The following TET3 variants were observed in gnomAD, a reference collection of about 807,000 sequenced individuals.
TET3 encodes tet methylcytosine dioxygenase 3.
In TET3, 19 loss-of-function variants were observed where a neutral mutation model predicts 141.4. The observed-to-expected ratio is 0.13, with a 90% confidence interval of 0.09 to 0.20. The LOEUF is 0.20. Ranked by LOEUF, TET3 falls within the 10% of genes least tolerant of loss-of-function variation. TET3 has a pLI of 1.00. For missense variants in TET3, 1,874 were observed against 2,356.9 expected, an observed-to-expected ratio of 0.80 and a Z score of 4.24; for synonymous variants, 1,043 against 980.9, an observed-to-expected ratio of 1.06 and a Z score of -1.18.
Position 74,099,603 on chromosome 2 carries a change from T to G in TET3, c.3595T>G (p.Ser1199Ala), listed in dbSNP as rs1691048077. Residue 1199 changes from serine to alanine, a missense_variant, in exon 11 of 12, where the codon TCG becomes GCG. Around this residue, in one of 10 missense-constraint regions of TET3, gnomAD observed 602 missense variants for 590.2 expected, o/e 1.02. Transcript: ENST00000409262. ...QEALELAGIT[S>A]DPGLSLKGGL... ...GGCCCTGGAGCTGGCGGGCATTACG[T>G]CGGACCCAGGTGTGTGGGGGGAGGG... 1.3e-6 allele frequency: 2 copies of G among 1,574,446 alleles called. No individual in the cohort carries two copies. The highest frequency in any genetic ancestry group is 1.4e-5 in the African/African-American group (1 of 73,956).
intron 2 of TET3, chr2:73,998,194 C>T (rs1684685970): frequency 6.6e-6 from 1 of 152,300 alleles, no homozygotes; most frequent in Admixed American, 6.5e-5. Context: ...CCCCGGGTTT[C>T]TAGCTCAGCA....
intron 3 of TET3, among the ~76,000 whole-genome samples, chr2:74,045,492 A>C (rs1687566854): frequency 6.6e-6 from 1 of 152,080 alleles, no homozygotes; most frequent in African/African-American, 2.4e-5. Flanking sequence ...TCTTCCTCTC[A>C]TCCTTCCCCT....
intron 3 of TET3, among the ~76,000 whole-genome samples, chr2:74,020,112 A>T (rs1156838429): frequency 6.6e-6 from 1 of 152,126 alleles, no homozygotes; most frequent in Non-Finnish European, 1.5e-5. Context: ...TCCAGAGTAT[A>T]TGCATCCCCC....
intron 2 of TET3, among the ~76,000 whole-genome samples, chr2:73,991,805 CAAAAAAAAAA>C (rs772400180): frequency 1.7e-3 from 135 of 79,606 alleles, no homozygotes; most frequent in Admixed American, 3.8e-3. Context: ...AACTCTGTCT[CAAAAAAAAAA>C]AAAAAAAAAA....
At chr2:74,096,618 G>A (rs1312634699) in intron 10 of TET3, among the ~76,000 whole-genome samples, 5 of 151,596 alleles carry the variant, frequency 3.3e-5, no homozygotes, top group Non-Finnish European at 7.4e-5. Flanking sequence ...AATACAAAAA[G>A]TTAGCTAAGC....
intron 3 of TET3, among the ~76,000 whole-genome samples, chr2:74,023,824 C>G (rs920480861): frequency 6.6e-6 from 1 of 151,734 alleles, no homozygotes; most frequent in Non-Finnish European, 1.5e-5. Flanking sequence ...TTGTTTTTTT[C>G]TTTTTAAAAT....
intron 3 of TET3, among the ~76,000 whole-genome samples, chr2:74,004,624 G>A (rs941802327): frequency 5.9e-5 from 9 of 152,214 alleles, no homozygotes; most frequent in African/African-American, 9.7e-5. Context: ...GTGTGCTTTA[G>A]TGAGACTGGG....
intron 3 of TET3, among the ~76,000 whole-genome samples, chr2:74,036,717 C>G (rs113197533): frequency 2.0e-5 from 3 of 152,318 alleles, no homozygotes; most frequent in Middle Eastern, 3.4e-3. Flanking sequence ...GATACTCTGC[C>G]TGTCATAAGA....
chr2:74,011,963 GT>G (rs1387774352), intron 3 of TET3, among the ~76,000 whole-genome samples: 1 of 151,960 alleles, frequency 6.6e-6, no homozygotes, highest in Non-Finnish European at 1.5e-5. Context: ...TTGTTTGTTT[GT>G]TTTTTGTTTT....
chr2:74,066,300 T>G (rs1688895737), intron 4 of TET3, among the ~76,000 whole-genome samples: 1 of 152,220 alleles, frequency 6.6e-6, no homozygotes, highest in African/African-American at 2.4e-5. Flanking sequence ...CTCAGGATCC[T>G]TTAAGTACCG....
At chr2:74,032,508 T>TGTGTGTGTGTGTGTGTGTGTGG (rs1491152838) in intron 3 of TET3, among the ~76,000 whole-genome samples, 1 of 43,908 alleles carries the variant, frequency 2.3e-5, no homozygotes, top group Admixed American at 2.1e-4. Flanking sequence ...TGTGTGTGTG[T>TGTGTGTGTGTGTGTGTGTGTGG]TAGGGGAGTT....
At chr2:74,067,394 A>G (rs183990178) in intron 4 of TET3, among the ~76,000 whole-genome samples, 4 of 152,298 alleles carry the variant, frequency 2.6e-5, no homozygotes, top group East Asian at 1.9e-4. Context: ...GACAACAGCT[A>G]CCTGTTGAGC....
intron 3 of TET3, among the ~76,000 whole-genome samples, chr2:74,038,053 T>C (rs1687158444): frequency 6.6e-6 from 1 of 152,136 alleles, no homozygotes; most frequent in Non-Finnish European, 1.5e-5. Context: ...TGCCTGCAGA[T>C]GTCTGGAGGA....
intron 4 of TET3, among the ~76,000 whole-genome samples, chr2:74,067,541 G>A (rs764240557): frequency 7.9e-5 from 12 of 152,208 alleles, no homozygotes; most frequent in Non-Finnish European, 1.5e-4. Context: ...GTTATTCTGT[G>A]CTACATTAAC....
chr2:74,007,965 C>A (rs1482701892), intron 3 of TET3, among the ~76,000 whole-genome samples: 1 of 152,172 alleles, frequency 6.6e-6, no homozygotes, highest in Non-Finnish European at 1.5e-5. Context: ...AGTGATCATG[C>A]CCTTGGATGT....
chr2:74,087,853 G>A lies in TET3; in HGVS notation c.2703G>A (p.Glu901=). The A allele has an allele frequency of 6.4e-7, 1 of 1,551,232 alleles. No homozygotes were observed. Among genetic ancestry groups the A allele is most frequent in the Non-Finnish European group, 8.7e-7 (1 of 1,146,730 alleles). The change falls in exon 7 of 12, where the codon GAG becomes GAA. Residue 901 remains glutamate (E), a synonymous_variant. Transcript: ENST00000409262. The surrounding 1 kb of genome is among the most constrained non-coding windows in gnomAD (Gnocchi z 4.3). Reference sequence around the variant, plus strand: ...AGGTGATCCGCAGGCACACGCTGGAGGAGAAGCTACTCTGCCTGGTGCGGC... The same window carrying A: ...AGGTGATCCGCAGGCACACGCTGGAAGAGAAGCTACTCTGCCTGGTGCGGC... ...AKWVIRRHTL[E]EKLLCLVRHR...
chr2:74,114,808 C>T, the TET3 span, among the ~76,000 whole-genome samples: 2 of 136,156 alleles, frequency 1.5e-5, no homozygotes, highest in East Asian at 2.3e-4. Context: ...GAGCTAAGAT[C>T]ACACCACTGC....
the TET3 span, among the ~76,000 whole-genome samples, chr2:74,126,669 T>C: frequency 1.3e-5 from 2 of 151,828 alleles, no homozygotes; most frequent in African/African-American, 4.8e-5. Flanking sequence ...TCCCGGCTAA[T>C]TTTTTGTATT....
At chr2:74,048,520 C>A in intron 4 of TET3, 109 bp downstream of exon 4, 3 of 1,187,578 alleles carry the variant, frequency 2.5e-6, no homozygotes, top group Non-Finnish European at 3.5e-6. Flanking sequence ...GTGCCAACTG[C>A]CACACTGGGT....
Sources: gnomAD v4.1 joint callset for allele counts (sites outside exome capture counted in the v4.1 genomes callset) on GRCh38, gnomAD v4.1.1 for gene constraint, gnomAD v4.1.1 regional missense constraint, Gnocchi (gnomAD v3.1) non-coding constraint, MANE v1.5 for transcripts, NCBI Gene and HGNC (gene_info 2026-07-23, HGNC 2026-07-21) for gene names.